The following RNF24 variants were observed in gnomAD, a reference collection of about 807,000 sequenced individuals.
RNF24 encodes the protein ring finger protein 24.
RNF24 carries 14 observed loss-of-function variants against 20.0 expected under a neutral mutation model. The observed-to-expected ratio is 0.70, with a 90% CI of 0.46 to 1.10. The LOEUF (loss-of-function observed/expected upper bound fraction) is 1.10. Ranked by LOEUF, RNF24 falls within the 50% of genes least tolerant of loss-of-function variation. The pLI is 0.00. For missense variants in RNF24, 124 were observed against 177.6 expected, an observed-to-expected ratio of 0.70 and a Z score of 1.71; for synonymous variants, 45 against 61.1, an observed-to-expected ratio of 0.74 and a Z score of 1.23.
chr20:4,003,132 G>A (rs568657816), intron 1 of RNF24, among the ~76,000 whole-genome samples: 369 of 152,232 alleles, frequency 2.4e-3, no homozygotes, highest in Non-Finnish European at 4.1e-3. Flanking sequence ...ACGGCGCCCG[G>A]CTAATTTTTT....
chr20:3,985,055 C>G (rs1979764627), intron 1 of RNF24, among the ~76,000 whole-genome samples: 2 of 152,068 alleles, frequency 1.3e-5, no homozygotes, highest in South Asian at 2.1e-4. Flanking sequence ...ACAACAACCA[C>G]AACAACAACC....
rs945248781 is a variant in RNF24 at position 3,934,619 on chromosome 20, C to T, written c.308+375G>A. Among the ~76,000 whole-genome samples, 2 of 152,106 alleles carry T rather than the reference C, an allele frequency of 1.3e-5. No homozygotes were observed. Among genetic ancestry groups the T allele is most frequent in the African/African-American group, 4.8e-5 (2 of 41,488 alleles). ...CTGCAGGAAGTGGGAGGAGAGTGCC[C>T]CACACTACCATTTATATCCAGACTT... On this transcript the variant is annotated intron_variant, in intron 5 of 5. Transcript: ENST00000358395. This position sits in a 1 kb window ranked among gnomAD's most constrained non-coding sequence, Gnocchi z 4.0.
At chr20:3,958,465 T>C (rs2091166263) in intron 2 of RNF24, among the ~76,000 whole-genome samples, 1 of 152,222 alleles carries the variant, frequency 6.6e-6, no homozygotes, top group Non-Finnish European at 1.5e-5. Flanking sequence ...TTATAGCCTC[T>C]ACCATCCCTT....
rs77004939 is a variant in RNF24, at chr20:4,009,735, G to T, written c.-8+5702C>A. Among the ~76,000 whole-genome samples, 949 of 152,228 alleles carry T rather than the reference G, an allele frequency of 6.2e-3. 4 individuals are homozygous for T. The highest frequency in any genetic ancestry group is 9.2e-3 in the Non-Finnish European group (629 of 68,020). On this transcript the variant is annotated intron_variant, in intron 1 of 5. Coordinates refer to ENST00000358395, the MANE Select transcript of RNF24 (RefSeq NM_001134337.3). The stretch of plus-strand genomic sequence containing the variant: ...CGGGCAGTGCTGAGTGTCTACTTCG[G>T]ATTTTTGGTCATGAATCTGAAGTTC...
intron 1 of RNF24, among the ~76,000 whole-genome samples, chr20:3,982,103 G>GTGTCTC (rs1555799854): frequency 1.5e-5 from 2 of 137,026 alleles, no homozygotes; most frequent in African/African-American, 5.7e-5. Flanking sequence ...GTGAGACCTC[G>GTGTCTC]TCTCTCTCTC....
chr20:3,927,597 C>T lies in RNF24; in HGVS notation c.*6466G>A, dbSNP rs1266693305. The T allele has an allele frequency of 6.6e-6, 1 of 152,138 alleles. No homozygotes were observed. Among genetic ancestry groups the T allele is most frequent in the Non-Finnish European group, 1.5e-5 (1 of 68,032 alleles). The allele number at this position is 152,138 out of a possible 1,614,324, so 9.4% of individuals were successfully genotyped here. On this transcript the variant is annotated 3_prime_UTR_variant, in exon 6 of 6. Coordinates refer to ENST00000358395, the MANE Select transcript of RNF24 (RefSeq NM_001134337.3). ...GCCAAACTACAAGACGAAAAAGTGC[C>T]CCGTTCCTGGCAATGATGTCAGAAG...
intron 1 of RNF24, among the ~76,000 whole-genome samples, chr20:3,965,140 A>G (rs1428643365): frequency 2.0e-5 from 3 of 152,224 alleles, no homozygotes; most frequent in Admixed American, 1.3e-4. Context: ...TTACAAAATA[A>G]AGAGTTCCTG....
chr20:3,968,483 T>A (rs1239268562), intron 1 of RNF24, among the ~76,000 whole-genome samples: 1 of 152,152 alleles, frequency 6.6e-6, no homozygotes, highest in East Asian at 1.9e-4. Flanking sequence ...TTGGGCATGG[T>A]GGCATGTGCT....
chr20:3,937,568 C>A (rs1474111488), intron 4 of RNF24, among the ~76,000 whole-genome samples: 1 of 151,300 alleles, frequency 6.6e-6, no homozygotes, highest in African/African-American at 2.4e-5. Flanking sequence ...ACCCACCCAC[C>A]CCCCAAAACA....
rs762835936 is a variant in RNF24, at chr20:3,952,279, CTTTAA to C, written c.144-4005_144-4001del. Reference sequence around the variant, plus strand: ...ATGAACATTATTTCTTTATTTACAGCTTTAATTTTTCTCTTACACATTTCTCCTAG... The same window carrying C: ...ATGAACATTATTTCTTTATTTACAGCTTTTTCTCTTACACATTTCTCCTAG... On this transcript the variant is annotated intron_variant, in intron 2 of 5. Coordinates refer to ENST00000358395, the MANE Select transcript of RNF24 (RefSeq NM_001134337.3). 3.9e-5 allele frequency among the ~76,000 whole-genome samples: 6 copies of C among 152,018 alleles called. No individual in the cohort carries two copies. The South Asian group carries it at 6.2e-4, about 16-fold the overall frequency.
chr20:3,936,780 T>A (rs1286796003), intron 4 of RNF24, among the ~76,000 whole-genome samples: 1 of 152,198 alleles, frequency 6.6e-6, no homozygotes, highest in Non-Finnish European at 1.5e-5. Flanking sequence ...AGTTGCTTAT[T>A]TTTATTCACT....
At chr20:3,935,182 C>A in intron 4 of RNF24, 109 bp from the exon 5 acceptor site, 1 of 702,966 alleles carries the variant, frequency 1.4e-6, no homozygotes, top group South Asian at 1.9e-5. Flanking sequence ...ACTCATGAGA[C>A]TCTTATCTTA....
At chr20:4,001,145 T>G (rs1281504592) in intron 1 of RNF24, among the ~76,000 whole-genome samples, 1 of 152,120 alleles carries the variant, frequency 6.6e-6, no homozygotes, top group Non-Finnish European at 1.5e-5. Flanking sequence ...CGTGCACCTG[T>G]AGTCCCAGCT....
Position 3,932,650 on chromosome 20 carries a change from A to G in RNF24, c.*1413T>C, listed in dbSNP as rs1006133212. 2 of 340,614 alleles carry G rather than the reference A, an allele frequency of 5.9e-6. No individual in the cohort carries two copies. Among genetic ancestry groups the G allele is most frequent in the Admixed American group, 9.5e-5 (2 of 20,986 alleles). The allele number at this position is 340,614 out of a possible 1,614,324, so 21.1% of individuals were successfully genotyped here. A position where few individuals can be genotyped will look rare whatever the true frequency, so the allele number is the denominator to read the frequency against. On this transcript the variant is annotated 3_prime_UTR_variant, in exon 6 of 6. Transcript: ENST00000358395. ...CCATGTCACGCAGACTGTATTCCTA[A>G]TGAAAAACTTCCCCCACTCACACCT...
chr20:4,003,062 C>CG (rs1405743915), intron 1 of RNF24, among the ~76,000 whole-genome samples: 1 of 152,146 alleles, frequency 6.6e-6, no homozygotes. Flanking sequence ...CTCTGCCGCC[C>CG]GGGTTCAAGT....
Position 3,933,304 on chromosome 20 carries a change from T to TG in RNF24, c.*758dup. 2.5e-6 allele frequency: 1 copy of TG among 397,746 alleles called. No individual in the cohort carries two copies. The highest frequency in any genetic ancestry group is 4.4e-6 in the Non-Finnish European group (1 of 226,096). 24.6% of individuals were successfully genotyped at this position (397,746 alleles called of 1,614,324 possible). On this transcript the variant is annotated 3_prime_UTR_variant, in exon 6 of 6. Transcript: ENST00000358395. ...CTACACTGGAACCACAGTGCACATG[T>TG]GGGGATGTGGGCAGCCTCCTGGATC... is the stretch of plus-strand genomic sequence containing the variant.
At position 3,929,296 on chromosome 20, in the gene RNF24, G is replaced by C. The variant is rs1442206351; in HGVS notation, c.*4767C>G. 6.6e-5 allele frequency: 10 copies of C among 152,278 alleles called. No homozygotes were observed. Among genetic ancestry groups the C allele is most frequent in the African/African-American group, 2.2e-4 (9 of 41,448 alleles). The allele number at this position is 152,278 out of a possible 1,614,324, so 9.4% of individuals were successfully genotyped here. On this transcript the variant is annotated 3_prime_UTR_variant, in exon 6 of 6. Coordinates refer to ENST00000358395, the MANE Select transcript of RNF24 (RefSeq NM_001134337.3). ...GTGTGCACCTGTAGACGCAGCTACA[G>C]ACTGAGGCGGGAGGATCACTTGAGT...
intron 1 of RNF24, among the ~76,000 whole-genome samples, chr20:3,988,296 C>A (rs1002671050): frequency 6.6e-6 from 1 of 151,764 alleles, no homozygotes; most frequent in Non-Finnish European, 1.5e-5. Flanking sequence ...TGCACTCCAG[C>A]CTGGGTGACA....
At chr20:3,970,592 C>T (rs2091304843) in intron 1 of RNF24, among the ~76,000 whole-genome samples, 1 of 152,042 alleles carries the variant, frequency 6.6e-6, no homozygotes, top group Non-Finnish European at 1.5e-5. Context: ...TATGAACATG[C>T]TTGAAACAAG....
Sources: allele counts gnomAD v4.1 joint callset (sites outside exome capture counted in the v4.1 genomes callset), GRCh38; gene constraint gnomAD v4.1.1; non-coding constraint Gnocchi (gnomAD v3.1); transcripts MANE v1.5; gene names NCBI Gene and HGNC (gene_info 2026-07-23, HGNC 2026-07-21).